LRIG1: variants seen among roughly 807,000 people sequenced by gnomAD.
LRIG1 encodes leucine rich repeats and immunoglobulin like domains 1.
LRIG1 carries 48 observed loss-of-function variants against 99.2 expected under a neutral mutation model. That is an observed-to-expected ratio of 0.48 (90% CI 0.38 to 0.62). The LOEUF (loss-of-function observed/expected upper bound fraction) is 0.62, where lower values mean the gene tolerates loss of function less well. Ranked by LOEUF, LRIG1 falls within the 20% of genes least tolerant of loss-of-function variation. The probability of loss-of-function intolerance (pLI) is 0.00; values close to 1 mark genes in which losing one functional copy is unlikely to be tolerated. For synonymous variants in LRIG1, 772 were observed against 596.1 expected (o/e 1.29, Z -4.30); for missense variants, 1,646 against 1,434.4 (o/e 1.15, Z -2.38).
chr3:66,430,897 C>T (rs574727261), intron 3 of LRIG1, among the ~76,000 whole-genome samples: 1 of 152,124 alleles, frequency 6.6e-6, no homozygotes, highest in Non-Finnish European at 1.5e-5. Flanking sequence ...TGTTTTCCCC[C>T]AAATGTATCA....
At chr3:66,463,855 A>G (rs1431709888) in intron 1 of LRIG1, among the ~76,000 whole-genome samples, 1 of 152,236 alleles carries the variant, frequency 6.6e-6, no homozygotes, top group Non-Finnish European at 1.5e-5. Context: ...GAGCTCAGAG[A>G]CGTTCATCTA....
chr3:66,454,504 C>A (rs959976053), intron 2 of LRIG1, among the ~76,000 whole-genome samples: 1 of 152,124 alleles, frequency 6.6e-6, no homozygotes, highest in Non-Finnish European at 1.5e-5. Context: ...ACCCCCTACC[C>A]GCCAATTTAC....
At chr3:66,447,396 T>A (rs1419413605) in intron 3 of LRIG1, among the ~76,000 whole-genome samples, 2 of 152,200 alleles carry the variant, frequency 1.3e-5, no homozygotes, top group Non-Finnish European at 2.9e-5. Flanking sequence ...TTAAAAAAAA[T>A]AGTTTTCAAA....
intron 5 of LRIG1, among the ~76,000 whole-genome samples, chr3:66,413,594 C>T (rs994544145): frequency 3.3e-5 from 5 of 152,190 alleles, no homozygotes; most frequent in African/African-American, 4.8e-5. Flanking sequence ...TGGCTTCTAG[C>T]CCCAGTATGA....
At chr3:66,381,852 A>G (rs2242284) in intron 16 of LRIG1, among the ~76,000 whole-genome samples, 94,640 of 151,940 alleles carry the variant, frequency 0.62, 29,807 homozygotes, top group East Asian at 0.81. Flanking sequence ...GAGCCTCTAC[A>G]GTCTCAGGCA....
intron 2 of LRIG1, among the ~76,000 whole-genome samples, chr3:66,456,472 C>T (rs1224031055): frequency 2.0e-5 from 3 of 151,052 alleles, no homozygotes; most frequent in African/African-American, 7.3e-5. Context: ...ACTCAGGAGG[C>T]TGAGGTGCGA....
At chr3:66,467,332 A>G (rs1700495089) in intron 1 of LRIG1, among the ~76,000 whole-genome samples, 2 of 151,700 alleles carry the variant, frequency 1.3e-5, no homozygotes. Context: ...AAAATTAAGA[A>G]TTCAGTTCCT....
intron 9 of LRIG1, among the ~76,000 whole-genome samples, chr3:66,399,331 G>A (rs966214973): frequency 6.6e-6 from 1 of 152,174 alleles, no homozygotes; most frequent in Non-Finnish European, 1.5e-5. Context: ...CCCAGTGTTA[G>A]GCAGAAATCA....
At position 66,380,401 on chromosome 3, in the gene LRIG1, C is replaced by T. The variant is rs774721216; in HGVS notation, c.3144G>A (p.Glu1048=). Residue 1048 remains glutamate, a synonymous_variant, in exon 19 of 19, where the codon GAG becomes GAA. Transcript: ENST00000273261. ...PASSLTSGSP[E]RAEAQYLLVS... ...CAAGCAAGTACTGGGCTTCCGCGCG[C>T]TCTGGACTGCCTGAAGTTAATGAAG... 13 of 1,614,048 alleles carry T rather than the reference C, an allele frequency of 8.1e-6. No individual in the cohort carries two copies. The highest frequency in any genetic ancestry group is 1.7e-6 in the Non-Finnish European group (2 of 1,180,032).
In LRIG1 at chr3:66,380,154, G is replaced by A. The variant is rs1446363716; in HGVS notation, c.*109C>T. 2.3e-5 allele frequency: 19 copies of A among 837,032 alleles called. No individual in the cohort carries two copies. Among genetic ancestry groups the A allele is most frequent in the Non-Finnish European group, 3.3e-5 (18 of 544,704 alleles). The allele number at this position is 837,032 out of a possible 1,614,324, so 51.9% of individuals were successfully genotyped here. A position where few individuals can be genotyped will look rare whatever the true frequency, so the allele number is the denominator to read the frequency against. ...TGAGCGACTGATACTCCACATGGGAGTTACAACTATGTACAGATGAGTGAC... is the reference window on the plus strand; with the variant it reads ...TGAGCGACTGATACTCCACATGGGAATTACAACTATGTACAGATGAGTGAC... On this transcript the variant is annotated 3_prime_UTR_variant, in exon 19 of 19. Coordinates refer to ENST00000273261, the MANE Select transcript of LRIG1 (RefSeq NM_015541.3).
rs200488316 is a variant in LRIG1, at chr3:66,496,734, C to CT, written c.218+3455dup. 3.7e-3 allele frequency among the ~76,000 whole-genome samples: 559 copies of CT among 151,402 alleles called. 4 individuals are homozygous for CT. Among genetic ancestry groups the CT allele is most frequent in the African/African-American group, 0.012 (502 of 40,828 alleles). ...TCAGGACCATCCATACAACAATCTA[C>CT]TTTAAAAAAAAAACATGAATCTCAG... On this transcript the variant is annotated intron_variant, in intron 1 of 18. Transcript: ENST00000273261.
At chr3:66,411,164 A>G (rs1702451282) in intron 6 of LRIG1, among the ~76,000 whole-genome samples, 2 of 152,140 alleles carry the variant, frequency 1.3e-5, no homozygotes, top group Admixed American at 1.3e-4. Context: ...GCTTCCCAAC[A>G]CAGCATGTGC....
chr3:66,477,937 A>T (rs1187313741), intron 1 of LRIG1, among the ~76,000 whole-genome samples: 1 of 152,164 alleles, frequency 6.6e-6, no homozygotes, highest in East Asian at 1.9e-4. Context: ...AAAAAAATTA[A>T]ACCTTGGGGG....
At chr3:66,452,778 T>A (rs1703949318) in intron 2 of LRIG1, among the ~76,000 whole-genome samples, 1 of 152,160 alleles carries the variant, frequency 6.6e-6, no homozygotes, top group Admixed American at 6.5e-5. Flanking sequence ...CCTTGAATTA[T>A]CCCATTTGCT....
At chr3:66,427,321 A>C (rs1193706013) in intron 3 of LRIG1, among the ~76,000 whole-genome samples, 1 of 152,206 alleles carries the variant, frequency 6.6e-6, no homozygotes, top group Non-Finnish European at 1.5e-5. Context: ...TCTTAACAAC[A>C]TATCACACCT....
chr3:66,432,590 G>A (rs1357397815), intron 3 of LRIG1, among the ~76,000 whole-genome samples: 9 of 152,166 alleles, frequency 5.9e-5, no homozygotes, highest in Admixed American at 2.0e-4. Context: ...TACAGATGGG[G>A]ATGCTAAGGC....
rs752639958 is a variant in LRIG1 at position 66,383,055 on chromosome 3, C to T, written c.2418G>A (p.Leu806=). Residue 806 remains leucine (L), a synonymous_variant, in exon 15 of 19, where the codon CTG becomes CTA. Coordinates refer to ENST00000273261, the MANE Select transcript of LRIG1 (RefSeq NM_015541.3). ...FTIAVVSSIV[L]TSLVWVCIIY... is the part of the protein sequence containing the mutation. ...TGATGCACACCCAGACCAGTGACGT[C>T]AGGACGATGCTGCTCACGACAGCAA... is the stretch of plus-strand genomic sequence containing the variant. 3 of 1,614,248 alleles carry T rather than the reference C, an allele frequency of 1.9e-6. No homozygotes were observed. Among genetic ancestry groups the T allele is most frequent in the Non-Finnish European group, 2.5e-6 (3 of 1,180,038 alleles).
chr3:66,488,963 G>T (rs1185486432), intron 1 of LRIG1, among the ~76,000 whole-genome samples: 2 of 151,944 alleles, frequency 1.3e-5, no homozygotes, highest in South Asian at 2.1e-4. Context: ...TATTTTCCTG[G>T]TTTTTTTTCT....
intron 1 of LRIG1, among the ~76,000 whole-genome samples, chr3:66,488,853 A>G (rs1446879078): frequency 1.3e-5 from 2 of 152,224 alleles, no homozygotes; most frequent in Non-Finnish European, 2.9e-5. Flanking sequence ...CATCATTTAC[A>G]ACTTCACTTA....
Sources: gnomAD v4.1 joint callset for allele counts (sites outside exome capture counted in the v4.1 genomes callset) on GRCh38, gnomAD v4.1.1 for gene constraint, MANE v1.5 for transcripts, NCBI Gene and HGNC (gene_info 2026-07-23, HGNC 2026-07-21) for gene names.